Variants in LRRC42 observed in about 807,000 individuals in gnomAD.
The protein encoded by LRRC42 is leucine rich repeat containing 42.
A neutral mutation model predicts 44.3 loss-of-function variants in LRRC42; 43 were observed. The ratio of observed to expected loss-of-function variants is 0.97; its 90% CI spans 0.76 to 1.25. LRRC42 has a LOEUF of 1.25. LRRC42 is among the 50% of genes most tolerant of loss of function. The pLI is 0.00. For missense variants in LRRC42, 540 were observed against 509.1 expected (o/e 1.06, Z -0.58); for synonymous variants, 207 against 195.2 (o/e 1.06, Z -0.50).
intron 2 of LRRC42, among the ~76,000 whole-genome samples, chr1:53,950,235 G>A (rs904274949): frequency 9.9e-5 from 15 of 152,206 alleles, no homozygotes; most frequent in African/African-American, 3.6e-4. Context: ...AGGCAGAGAA[G>A]GATGTTCCAG....
At chr1:53,949,180 G>T (rs1654604757) in intron 2 of LRRC42, among the ~76,000 whole-genome samples, 1 of 152,158 alleles carries the variant, frequency 6.6e-6, no homozygotes, top group Admixed American at 6.5e-5. Context: ...AGGAGCCCAG[G>T]TTAGGGTCCT....
Position 53,968,011 on chromosome 1 carries a change from T to C in LRRC42, c.*72T>C. The C allele has an allele frequency of 6.6e-7, 1 of 1,507,188 alleles. No homozygotes were observed. Among genetic ancestry groups the C allele is most frequent in the Non-Finnish European group, 9.0e-7 (1 of 1,116,784 alleles). The allele number at this position is 1,507,188 out of a possible 1,614,324, so 93.4% of individuals were successfully genotyped here. ...TGAGTAAAGGAGACTGAGGATGATT[T>C]ACTTTTTGTTTGAATTTACCTATGG... On this transcript the variant is annotated 3_prime_UTR_variant, in exon 9 of 9. Coordinates refer to ENST00000371370, the MANE Select transcript of LRRC42 (RefSeq NM_001256409.2).
intron 2 of LRRC42, among the ~76,000 whole-genome samples, chr1:53,951,252 G>A (rs771245798): frequency 1.3e-5 from 2 of 152,172 alleles, no homozygotes; most frequent in African/African-American, 2.4e-5. Context: ...TCCATGGTAC[G>A]TGTAAGTCAT....
At chr1:53,961,741 A>G (rs1171262296) in intron 5 of LRRC42, among the ~76,000 whole-genome samples, 1 of 152,196 alleles carries the variant, frequency 6.6e-6, no homozygotes, top group Non-Finnish European at 1.5e-5. Flanking sequence ...ATGTTTTCAT[A>G]TGGTTCCAAA....
In LRRC42 at chr1:53,961,877, A is replaced by G. The variant is rs1249965691; in HGVS notation, c.725-157A>G. 19 of 597,122 alleles carry G rather than the reference A, an allele frequency of 3.2e-5. No homozygotes were observed. The South Asian group carries it at 3.9e-4, about 12-fold the overall frequency. The allele number at this position is 597,122 out of a possible 1,614,324, so 37.0% of individuals were successfully genotyped here. On this transcript the variant is annotated intron_variant, in intron 5 of 8. Transcript: ENST00000371370. ...TGGCTCTTTTATATTACAAATAGTA[A>G]AGATCAGACCTCTGTATTTAATTTA...
Position 53,952,464 on chromosome 1 carries a change from G to T in LRRC42, c.465G>T (p.Leu155Phe), listed in dbSNP as rs987956808. The part of the protein sequence containing the change: ...YGSLVLCSLC[L>F]RNRYLVISEK... ...GTTTGGTGCTTTGCTCCCTGTGTTT[G>T]CGAAACAGGTGGGTGTTCTGATTAG... Residue 155 changes from leucine to phenylalanine, a missense_variant, in exon 3 of 9, where the codon TTG (leucine) becomes TTT (phenylalanine). Coordinates refer to ENST00000371370, the MANE Select transcript of LRRC42 (RefSeq NM_001256409.2). 1.3e-6 allele frequency: 2 copies of T among 1,593,476 alleles called. No homozygotes were observed. Among genetic ancestry groups the T allele is most frequent in the Non-Finnish European group, 1.7e-6 (2 of 1,165,522 alleles).
intron 3 of LRRC42, among the ~76,000 whole-genome samples, chr1:53,957,443 G>A (rs1007006840): frequency 1.3e-5 from 2 of 152,228 alleles, no homozygotes; most frequent in African/African-American, 4.8e-5. Context: ...GTGGAATGCT[G>A]TTTTGATCTC....
intron 1 of LRRC42, among the ~76,000 whole-genome samples, chr1:53,947,107 G>C (rs767578435): frequency 1.3e-5 from 2 of 151,442 alleles, no homozygotes; most frequent in South Asian, 2.1e-4. Flanking sequence ...GGAGAGGAGT[G>C]GGGGGTGGAG....
intron 3 of LRRC42, among the ~76,000 whole-genome samples, chr1:53,956,232 GAAGCAAGTGTCTTTGCA>G (rs1273819029): frequency 1.3e-5 from 2 of 152,212 alleles, no homozygotes; most frequent in Non-Finnish European, 2.9e-5. Context: ...CTACCTGCCA[GAAGCAAGTGTCTTTGCA>G]ACTGAATTCC....
chr1:53,947,758 T>C (rs1036339630), intron 1 of LRRC42, 30 bp from the exon 2 acceptor site: 2 of 152,290 alleles, frequency 1.3e-5, no homozygotes, highest in Non-Finnish European at 2.9e-5. Flanking sequence ...GCTTTTGTTT[T>C]TTAATCTTAT....
intron 3 of LRRC42, among the ~76,000 whole-genome samples, chr1:53,954,254 T>C (rs1260312414): frequency 6.6e-6 from 1 of 152,134 alleles, no homozygotes; most frequent in African/African-American, 2.4e-5. Flanking sequence ...CAGAAAAGAA[T>C]AGAAACTTGG....
chr1:53,965,096 C>CCGGGTT (rs1655094393), intron 7 of LRRC42, among the ~76,000 whole-genome samples: 1 of 150,864 alleles, frequency 6.6e-6, no homozygotes, highest in Non-Finnish European at 1.5e-5. Flanking sequence ...ACCTCCACCT[C>CCGGGTT]CGGGTTCAAG....
intron 7 of LRRC42, among the ~76,000 whole-genome samples, chr1:53,965,909 G>C (rs1040331838): frequency 1.3e-4 from 20 of 152,218 alleles, no homozygotes; most frequent in Non-Finnish European, 1.5e-4. Flanking sequence ...TTGAGTTATA[G>C]TTGGCATATT....
At chr1:53,957,291 T>C (rs1286548804) in intron 3 of LRRC42, among the ~76,000 whole-genome samples, 2 of 152,336 alleles carry the variant, frequency 1.3e-5, no homozygotes, top group Non-Finnish European at 2.9e-5. Flanking sequence ...GGCCTGCTCT[T>C]GCCACAAGTC....
Position 53,946,813 on chromosome 1 carries a change from C to T in LRRC42, c.-49+264C>T, listed in dbSNP as rs931228054. ...GGAGCAGGATTAGCCTGGGTGGACT[C>T]GGGGAGAGGCATGCTTGGGGAGAGA... On this transcript the variant is annotated intron_variant, in intron 1 of 8. Transcript: ENST00000371370. 2.2e-5 allele frequency among the ~76,000 whole-genome samples: 3 copies of T among 138,994 alleles called. No individual in the cohort carries two copies. In the South Asian group the frequency reaches 7.1e-4, roughly 33 times the overall value. 91.2% of individuals were successfully genotyped at this position (138,994 alleles called of 152,430 possible).
chr1:53,967,791 A>T lies in LRRC42; in HGVS notation c.1139A>T (p.His380Leu). 6.2e-7 allele frequency: 1 copy of T among 1,614,202 alleles called. No individual in the cohort carries two copies. The highest frequency in any genetic ancestry group is 8.5e-7 in the Non-Finnish European group (1 of 1,180,038). ...APDCHGPVLK[H>L]EAISSQESKK... ...GATTGCCATGGGCCAGTGTTGAAAC[A>T]CGAAGCTATCTCAAGCCAGGAGTCA... Residue 380 changes from histidine to leucine, a missense_variant, in exon 9 of 9, where the codon CAC (histidine) becomes CTC (leucine). By Grantham distance (99) the His-to-Leu change is moderately conservative. Coordinates refer to ENST00000371370, the MANE Select transcript of LRRC42 (RefSeq NM_001256409.2).
intron 3 of LRRC42, among the ~76,000 whole-genome samples, chr1:53,954,693 T>C (rs967724371): frequency 6.6e-6 from 1 of 152,236 alleles, no homozygotes; most frequent in African/African-American, 2.4e-5. Context: ...ATATTTGCCA[T>C]GCTGTTGAAA....
Position 53,958,150 on chromosome 1 carries a change from T to C in LRRC42, c.475T>C (p.Tyr159His), listed in dbSNP as rs765023366. ...TTGATTGCTCTCCACGCTCCGTAGG[T>C]ATCTCGTGATTTCAGAAAAGCTTGA... is the stretch of plus-strand genomic sequence containing the variant. Reference protein sequence around the residue: ...VLCSLCLRNRYLVISEKLEEI... With the variant: ...VLCSLCLRNRHLVISEKLEEI... Residue 159 changes from tyrosine to histidine, a missense_variant and splice_region_variant, in exon 4 of 9, where the codon TAT (tyrosine) becomes CAT (histidine). By Grantham distance (83) the Tyr-to-His change is moderately conservative. Coordinates refer to ENST00000371370, the MANE Select transcript of LRRC42 (RefSeq NM_001256409.2). 2 of 1,613,696 alleles carry C rather than the reference T, an allele frequency of 1.2e-6. No individual in the cohort carries two copies. Among genetic ancestry groups the C allele is most frequent in the Admixed American group, 3.3e-5 (2 of 60,006 alleles).
rs569879852 is a variant in LRRC42, at chr1:53,958,740, C to T, written c.605+460C>T. ...TAGCTGGGATTACAGGCATGCACCA[C>T]CACGCCCAGCTAATTTTGTATTTTT... On this transcript the variant is annotated intron_variant, in intron 4 of 8. Coordinates refer to ENST00000371370, the MANE Select transcript of LRRC42 (RefSeq NM_001256409.2). 4.6e-5 allele frequency among the ~76,000 whole-genome samples: 7 copies of T among 152,266 alleles called. No homozygotes were observed. The South Asian group carries it at 8.3e-4, about 18-fold the overall frequency.
Sources: allele counts gnomAD v4.1 joint callset (sites outside exome capture counted in the v4.1 genomes callset), GRCh38; gene constraint gnomAD v4.1.1; transcripts MANE v1.5; gene names NCBI Gene and HGNC (gene_info 2026-07-23, HGNC 2026-07-21).